The following RBFOX1 variants were observed in gnomAD, a reference collection of about 807,000 sequenced individuals.
RBFOX1 encodes the protein RNA binding fox-1 homolog 1.
RBFOX1 carries 8 observed loss-of-function variants against 57.7 expected under a neutral mutation model. The observed-to-expected ratio is 0.14, with a 90% confidence interval of 0.08 to 0.25. The LOEUF is 0.25. Among genes scored for constraint, RBFOX1 ranks in the 10% least tolerant of loss-of-function variants. The probability of loss-of-function intolerance (pLI) is 1.00; values close to 1 mark genes in which losing one functional copy is unlikely to be tolerated. For synonymous variants in RBFOX1, 326 were observed against 222.4 expected (o/e 1.47, Z -4.15); for missense variants, 611 against 548.5 (o/e 1.11, Z -1.14).
At chr16:5,584,630 G>A (rs550539805) in intron 2 of RBFOX1, among the ~76,000 whole-genome samples, 68 of 152,296 alleles carry the variant, frequency 4.5e-4, no homozygotes, top group South Asian at 1.0e-3. Flanking sequence ...TGTCTCCTGA[G>A]TGTGGTTACC....
chr16:7,532,404 A>C (rs2080330342), intron 5 of RBFOX1, among the ~76,000 whole-genome samples: 1 of 152,096 alleles, frequency 6.6e-6, no homozygotes, highest in Non-Finnish European at 1.5e-5. Flanking sequence ...ACGAGGGGAG[A>C]TAGGGTATAT....
intron 2 of RBFOX1, among the ~76,000 whole-genome samples, chr16:6,647,140 G>T (rs1218917626): frequency 6.6e-6 from 1 of 152,180 alleles, no homozygotes; most frequent in Non-Finnish European, 1.5e-5. Flanking sequence ...TTCTCACTGG[G>T]TCCTCATTTG....
intron 4 of RBFOX1, among the ~76,000 whole-genome samples, chr16:7,447,430 C>CAAAAAAAAAAAAAAAAAAA (rs202234230): frequency 1.0e-5 from 1 of 98,536 alleles, no homozygotes; most frequent in African/African-American, 3.8e-5. Flanking sequence ...GAGTCTATCT[C>CAAAAAAAAAAAAAAAAAAA]AAAAAAAAAA....
chr16:6,265,867 T>G (rs1211904925), intron 1 of RBFOX1, among the ~76,000 whole-genome samples: 1 of 152,130 alleles, frequency 6.6e-6, no homozygotes, highest in African/African-American at 2.4e-5. Context: ...CCTCCTCACT[T>G]CTTGTACATT....
chr16:6,852,757 TG>T (rs1228563318), intron 3 of RBFOX1, among the ~76,000 whole-genome samples: 1 of 152,050 alleles, frequency 6.6e-6, no homozygotes, highest in Non-Finnish European at 1.5e-5. Flanking sequence ...AGATGCATGC[TG>T]GGAACTAGCT....
chr16:5,693,943 T>G (rs980141835), intron 3 of RBFOX1, among the ~76,000 whole-genome samples: 3 of 152,222 alleles, frequency 2.0e-5, no homozygotes, highest in African/African-American at 7.2e-5. Flanking sequence ...AATGGCCTTG[T>G]GTTACCCATT....
intron 4 of RBFOX1, among the ~76,000 whole-genome samples, chr16:7,463,279 G>T (rs2150609098): frequency 6.6e-6 from 1 of 152,134 alleles, no homozygotes; most frequent in South Asian, 2.1e-4. Context: ...CATGGTGTGT[G>T]GATCACTTGA....
At chr16:6,320,450 C>A (rs1422691996) in intron 2 of RBFOX1, among the ~76,000 whole-genome samples, 1 of 151,792 alleles carries the variant, frequency 6.6e-6, no homozygotes, top group African/African-American at 2.4e-5. Flanking sequence ...AAGAACTCAT[C>A]CATGTAACCA....
Position 7,039,084 on chromosome 16 carries a change from G to A in RBFOX1, c.-15-12973G>A, listed in dbSNP as rs570983094. 4.6e-5 allele frequency among the ~76,000 whole-genome samples: 7 copies of A among 152,236 alleles called. No homozygotes were observed. The South Asian group carries it at 1.5e-3, about 32-fold the overall frequency. ...TCACTAAATGTGTTGTCCTGCCTGGGAGATAGCACCCCATAGGTCATTCGA... is the reference window on the plus strand; with the variant it reads ...TCACTAAATGTGTTGTCCTGCCTGGAAGATAGCACCCCATAGGTCATTCGA... On this transcript the variant is annotated intron_variant, in intron 3 of 15. Coordinates refer to ENST00000550418, the MANE Select transcript of RBFOX1 (RefSeq NM_018723.4).
At chr16:7,558,820 G>GCA (rs2089542918) in intron 5 of RBFOX1, among the ~76,000 whole-genome samples, 1 of 152,182 alleles carries the variant, frequency 6.6e-6, no homozygotes. Flanking sequence ...CTTTCTGAGA[G>GCA]CACTTGTGAA....
At chr16:5,774,857 A>G (rs923489790) in intron 3 of RBFOX1, among the ~76,000 whole-genome samples, 10 of 152,010 alleles carry the variant, frequency 6.6e-5, no homozygotes, top group African/African-American at 2.4e-4. Flanking sequence ...TAATTTTTGT[A>G]TTTTTAGTAG....
intron 1 of RBFOX1, among the ~76,000 whole-genome samples, chr16:6,263,874 G>A (rs575784583): frequency 1.3e-5 from 2 of 152,244 alleles, no homozygotes; most frequent in East Asian, 3.9e-4. Flanking sequence ...CAAAAGTGTT[G>A]GTAGCAGTGG....
chr16:5,788,213 TAC>T (rs2054574137), intron 3 of RBFOX1, among the ~76,000 whole-genome samples: 1 of 152,206 alleles, frequency 6.6e-6, no homozygotes, highest in South Asian at 2.1e-4. Context: ...GTAGTTTATT[TAC>T]CCTGGATGGA....
intron 4 of RBFOX1, among the ~76,000 whole-genome samples, chr16:7,310,558 T>C (rs2096284569): frequency 6.6e-6 from 1 of 152,202 alleles, no homozygotes; most frequent in South Asian, 2.1e-4. Flanking sequence ...ATGGAAATAA[T>C]TGTCATGGTC....
At chr16:6,796,662 T>G (rs539042500) in intron 3 of RBFOX1, among the ~76,000 whole-genome samples, 28 of 152,320 alleles carry the variant, frequency 1.8e-4, no homozygotes, top group Middle Eastern at 3.4e-3. Flanking sequence ...TTGTAATTCT[T>G]AAATATGTAC....
chr16:6,774,522 C>G (rs936994399), intron 3 of RBFOX1, among the ~76,000 whole-genome samples: 24 of 152,070 alleles, frequency 1.6e-4, no homozygotes, highest in African/African-American at 5.8e-4. Context: ...TCTTACTTCT[C>G]TATGTTCAGA....
In RBFOX1 at chr16:5,856,559, GTGTA is replaced by G. The variant is rs1285181425; in HGVS notation, c.319-10740_319-10737del. ...TGTATGTGTGTGTGTGTGTGTGTGT[GTGTA>G]TGTGTGTGTGTGTATATATATATAT... On this transcript the variant is annotated intron_variant, in intron 3 of 19. Coordinates refer to the RBFOX1 transcript ENST00000641259. Among the ~76,000 whole-genome samples, 26 of 52,034 alleles carry G rather than the reference GTGTA, an allele frequency of 5.0e-4. 1 individual carries two copies. The highest frequency in any genetic ancestry group is 8.8e-4 in the African/African-American group (12 of 13,598). 34.1% of individuals were successfully genotyped at this position (52,034 alleles called of 152,430 possible).
At chr16:5,470,462 A>G (rs927467411) in intron 2 of RBFOX1, among the ~76,000 whole-genome samples, 19 of 152,146 alleles carry the variant, frequency 1.2e-4, no homozygotes, top group African/African-American at 4.6e-4. Context: ...TAACCCAGAT[A>G]CACATGCACA....
chr16:6,804,545 C>G (rs894904152), intron 3 of RBFOX1, among the ~76,000 whole-genome samples: 8 of 152,056 alleles, frequency 5.3e-5, no homozygotes, highest in African/African-American at 1.9e-4. Context: ...CTAAATTGGA[C>G]TCTAAATATT....
Sources: allele counts gnomAD v4.1 joint callset (sites outside exome capture counted in the v4.1 genomes callset), GRCh38; gene constraint gnomAD v4.1.1; transcripts MANE v1.5; gene names NCBI Gene and HGNC (gene_info 2026-07-23, HGNC 2026-07-21).